Variants in OSMR observed in about 807,000 individuals in gnomAD.
OSMR encodes oncostatin M receptor.
A neutral mutation model predicts 99.9 loss-of-function variants in OSMR; 81 were observed. That is an observed-to-expected ratio of 0.81 (90% confidence interval 0.68 to 0.97). OSMR has a LOEUF of 0.97. Ranked by LOEUF, OSMR falls within the 50% of genes least tolerant of loss-of-function variation. OSMR has a pLI of 0.00. For missense variants in OSMR, 1,099 were observed against 1,153.4 expected, an observed-to-expected ratio of 0.95 and a Z score of 0.68; for synonymous variants, 406 against 410.4, an observed-to-expected ratio of 0.99 and a Z score of 0.13.
intron 7 of OSMR, 160 bp downstream of exon 7, chr5:38,886,350 T>C: frequency 6.9e-7 from 1 of 1,459,810 alleles, no homozygotes; most frequent in Non-Finnish European, 9.0e-7. Flanking sequence ...TCCTCATGGA[T>C]GCACGCATCC....
At chr5:38,945,535 C>T (rs145530926), downstream of OSMR, 5 of 1,614,050 alleles carry the variant, frequency 3.1e-6, no homozygotes, top group Non-Finnish European at 3.4e-6. Context: ...GGGCTGGAAA[C>T]CCAGAATTTC....
At chr5:38,862,128 C>A (rs1350527097) in intron 1 of OSMR, among the ~76,000 whole-genome samples, 3 of 111,122 alleles carry the variant, frequency 2.7e-5, no homozygotes, top group East Asian at 3.6e-4. Flanking sequence ...CCGGACGGGG[C>A]GGCTGGCCGG....
At chr5:38,941,783 G>C (rs974655792) in intron 1 of OSMR, 2 of 232,648 alleles carry the variant, frequency 8.6e-6, no homozygotes, top group African/African-American at 4.4e-5. Flanking sequence ...TAAGAAAAAC[G>C]TGAAAGGGCC....
chr5:38,941,836 G>A, intron 1 of OSMR: 1 of 233,414 alleles, frequency 4.3e-6, no homozygotes. Context: ...ACACCCCATT[G>A]TGGTAATAGG....
At chr5:38,909,268 G>T (rs572114419) in intron 9 of OSMR, among the ~76,000 whole-genome samples, 4 of 152,314 alleles carry the variant, frequency 2.6e-5, no homozygotes, top group Non-Finnish European at 5.9e-5. Flanking sequence ...GAGAGGCAGA[G>T]AAGGCAAGCA....
chr5:38,919,261 T>C (rs1256816011), intron 11 of OSMR, 199 bp downstream of exon 11: 1 of 1,514,800 alleles, frequency 6.6e-7, no homozygotes. Context: ...GAAGGAGACT[T>C]CAGCCATGGC....
chr5:38,921,906 A>G, intron 12 of OSMR, 112 bp downstream of exon 12: 2 of 906,164 alleles, frequency 2.2e-6, no homozygotes, highest in Non-Finnish European at 1.8e-6. Context: ...GTAATTTTGA[A>G]ACGACAAATC....
chr5:38,878,469 T>C (rs548740241), intron 3 of OSMR, among the ~76,000 whole-genome samples: 1 of 152,258 alleles, frequency 6.6e-6, no homozygotes, highest in African/African-American at 2.4e-5. Flanking sequence ...GTACTGGCCA[T>C]TTGGAACCCT....
At chr5:38,848,327 C>T (rs561704911) in intron 1 of OSMR, among the ~76,000 whole-genome samples, 9 of 152,326 alleles carry the variant, frequency 5.9e-5, no homozygotes, top group Non-Finnish European at 8.8e-5. Flanking sequence ...AAATCCCCTC[C>T]TCCAAGCAGG....
chr5:38,895,625 T>C (rs541352143), intron 7 of OSMR, among the ~76,000 whole-genome samples: 3 of 152,138 alleles, frequency 2.0e-5, no homozygotes, highest in Non-Finnish European at 2.9e-5. Context: ...TTTCCTTTGT[T>C]GTGCAGAAGC....
chr5:38,907,473 G>T (rs1426118502), intron 9 of OSMR, among the ~76,000 whole-genome samples: 1 of 152,184 alleles, frequency 6.6e-6, no homozygotes. Context: ...GCCTTGCCTT[G>T]CTCCTCTAGG....
chr5:38,879,245 GA>G (rs1743071565), intron 3 of OSMR, among the ~76,000 whole-genome samples: 1 of 152,274 alleles, frequency 6.6e-6, no homozygotes, highest in Non-Finnish European at 1.5e-5. Context: ...TTCCAGGCCT[GA>G]AAGCCCGCTG....
rs1746965217 is a variant in OSMR at position 38,935,329 on chromosome 5, A to G, written c.*1885A>G. On this transcript the variant is annotated 3_prime_UTR_variant, in exon 18 of 18. Transcript: ENST00000274276. ...GGCTGTCAACAACTGGCCTAAATAA[A>G]CCTACACAAACCAGTACTTGCCTTT... 4.6e-5 allele frequency: 7 copies of G among 152,080 alleles called. No individual in the cohort carries two copies. Among genetic ancestry groups the G allele is most frequent in the Admixed American group, 4.6e-4 (7 of 15,278 alleles). The allele number at this position is 152,080 out of a possible 1,614,324, so 9.4% of individuals were successfully genotyped here.
chr5:38,863,476 G>T (rs1352457578), intron 1 of OSMR, among the ~76,000 whole-genome samples: 2 of 152,100 alleles, frequency 1.3e-5, no homozygotes, highest in Admixed American at 6.5e-5. Flanking sequence ...GGCAGAGGTT[G>T]CAGTGAGCTG....
Position 38,933,262 on chromosome 5 carries a change from C to A in OSMR, c.2758C>A (p.Gln920Lys). The change falls in exon 18 of 18, where the codon CAG (glutamine) becomes AAG (lysine). Residue 920 changes from glutamine to lysine, a missense_variant. Transcript: ENST00000274276. Reference protein sequence around the residue: ...AGETSLNYVSQLASPMFGDKD... With the variant: ...AGETSLNYVSKLASPMFGDKD... ...AGAAACAAGTTTGAATTATGTGTCC[C>A]AGTTGGCTTCACCCATGTTTGGAGA... 1 of 1,614,138 alleles carries A rather than the reference C, an allele frequency of 6.2e-7. No homozygotes were observed. Among genetic ancestry groups the A allele is most frequent in the Non-Finnish European group, 8.5e-7 (1 of 1,179,980 alleles).
intron 1 of OSMR, chr5:38,942,074 CTG>C (rs1260584846): frequency 2.7e-6 from 1 of 374,070 alleles, no homozygotes; most frequent in East Asian, 3.8e-5. Flanking sequence ...ACTCTTAAAA[CTG>C]TGGTAATGAA....
At chr5:38,884,143 T>C in intron 5 of OSMR, 32 bp downstream of exon 5, 5 of 1,443,750 alleles carry the variant, frequency 3.5e-6, no homozygotes, top group Non-Finnish European at 4.9e-6. Context: ...GGCCCTTTCT[T>C]CTCATTTCCT....
downstream of OSMR, chr5:38,939,543 A>G (rs1315559357): frequency 4.3e-6 from 1 of 231,948 alleles, no homozygotes; most frequent in Non-Finnish European, 8.5e-6. Context: ...CTAAATTTCT[A>G]ATTTCCTTAT....
At chr5:38,925,926 T>C (rs1746453853) in intron 15 of OSMR, among the ~76,000 whole-genome samples, 1 of 152,214 alleles carries the variant, frequency 6.6e-6, no homozygotes, top group African/African-American at 2.4e-5. Flanking sequence ...ACTCCCTGTT[T>C]GCATATTTGG....
Sources: allele counts gnomAD v4.1 joint callset (sites outside exome capture counted in the v4.1 genomes callset), GRCh38; gene constraint gnomAD v4.1.1; transcripts MANE v1.5; gene names NCBI Gene and HGNC (gene_info 2026-07-23, HGNC 2026-07-21).